NOX4: variants seen among roughly 807,000 people sequenced by gnomAD.
The protein encoded by NOX4 is kidney oxidase-1.
A neutral mutation model predicts 87.6 loss-of-function variants in NOX4; 69 were observed. The ratio of observed to expected loss-of-function variants is 0.79; its 90% CI spans 0.65 to 0.96. The LOEUF is 0.96. NOX4 is among the 40% of genes least tolerant of loss of function. The probability of loss-of-function intolerance (pLI) is 0.00; values close to 1 mark genes in which losing one functional copy is unlikely to be tolerated. For missense variants in NOX4, 680 were observed against 681.5 expected (o/e 1.00, Z 0.02); for synonymous variants, 275 against 238.2 (o/e 1.15, Z -1.42).
chr11:89,500,845 G>A (rs950455978), upstream of NOX4, among the ~76,000 whole-genome samples: 10 of 152,040 alleles, frequency 6.6e-5, no homozygotes, highest in Non-Finnish European at 1.0e-4. Flanking sequence ...TCAAGGCACC[G>A]TATTTTAGGT....
At chr11:89,379,929 A>C (rs1940148027) in intron 11 of NOX4, among the ~76,000 whole-genome samples, 1 of 152,080 alleles carries the variant, frequency 6.6e-6, no homozygotes, top group Non-Finnish European at 1.5e-5. Flanking sequence ...TACTCTTAAC[A>C]CAGCAGCCAG....
At chr11:89,512,639 T>C in the NOX4 span, among the ~76,000 whole-genome samples, 6 of 152,272 alleles carry the variant, frequency 3.9e-5, no homozygotes, top group East Asian at 1.2e-3. Flanking sequence ...ACATTGTATG[T>C]ATTTACCATA....
rs1172325538 is a variant in NOX4, at chr11:89,335,890, G to A, written c.1571C>T (p.Pro524Leu). Reference protein sequence around the residue: ...ALNSRLFIGRPRWKLLFDEIA... With the variant: ...ALNSRLFIGRLRWKLLFDEIA... Reference sequence around the variant, plus strand: ...TTCATCAAACAAAAGTTTCCACCGAGGACGTCCTATAAACAGTCTTGAATT... The same window carrying A: ...TTCATCAAACAAAAGTTTCCACCGAAGACGTCCTATAAACAGTCTTGAATT... The change falls in exon 17 of 18, where the codon CCT becomes CTT. Residue 524 changes from proline to leucine, a missense_variant. Coordinates refer to ENST00000263317, the MANE Select transcript of NOX4 (RefSeq NM_016931.5). 4 of 1,600,578 alleles carry A rather than the reference G, an allele frequency of 2.5e-6. No individual in the cohort carries two copies. Among genetic ancestry groups the A allele is most frequent in the Non-Finnish European group, 3.4e-6 (4 of 1,173,544 alleles).
the NOX4 span, among the ~76,000 whole-genome samples, chr11:89,505,315 T>C: frequency 2.0e-5 from 3 of 152,052 alleles, no homozygotes; most frequent in East Asian, 1.9e-4. Context: ...TATGAGGAGA[T>C]CATGTTCTAA....
At chr11:89,524,091 AAATCT>A in the NOX4 span, among the ~76,000 whole-genome samples, 12 of 152,296 alleles carry the variant, frequency 7.9e-5, no homozygotes, top group East Asian at 2.1e-3. Flanking sequence ...ATGGATATAC[AAATCT>A]GTCAAAATCT....
chr11:89,451,757 A>T (rs752562991), intron 3 of NOX4, 28 bp downstream of exon 3: 1 of 1,452,656 alleles, frequency 6.9e-7, no homozygotes, highest in Admixed American at 1.7e-5. Flanking sequence ...TTATGCTGGA[A>T]TTTGAAAGTA....
At chr11:89,338,036 T>C (rs1373119756) in intron 15 of NOX4, among the ~76,000 whole-genome samples, 1 of 151,844 alleles carries the variant, frequency 6.6e-6, no homozygotes, top group Non-Finnish European at 1.5e-5. Flanking sequence ...GAGGCAAAAA[T>C]ATACCTGCAA....
At chr11:89,517,693 T>C in the NOX4 span, among the ~76,000 whole-genome samples, 2 of 151,852 alleles carry the variant, frequency 1.3e-5, no homozygotes, top group South Asian at 2.1e-4. Flanking sequence ...ATGTTACCCA[T>C]GCTGGTCTCA....
At chr11:89,527,045 A>G in the NOX4 span, among the ~76,000 whole-genome samples, 1,742 of 152,276 alleles carry the variant, frequency 0.011, 11 homozygotes, top group Middle Eastern at 0.031. Flanking sequence ...GATGGAGATG[A>G]GGAACTTTTT....
At chr11:89,580,081 C>T in the NOX4 span, among the ~76,000 whole-genome samples, 402 of 152,126 alleles carry the variant, frequency 2.6e-3, 3 homozygotes, top group African/African-American at 9.2e-3. Flanking sequence ...TCTTGATGAG[C>T]GGGTTTTGTG....
intron 13 of NOX4, among the ~76,000 whole-genome samples, chr11:89,343,031 C>T (rs1376324197): frequency 1.3e-5 from 2 of 152,064 alleles, no homozygotes; most frequent in Non-Finnish European, 2.9e-5. Context: ...GCCACTGCCC[C>T]CTCCTTCCTA....
chr11:89,580,780 C>T, the NOX4 span, among the ~76,000 whole-genome samples: 4,052 of 152,150 alleles, frequency 0.027, 186 homozygotes, highest in African/African-American at 0.093. Flanking sequence ...CACAGAGTCC[C>T]TAAATTATGA....
chr11:89,454,216 C>T (rs536455295), intron 2 of NOX4, among the ~76,000 whole-genome samples: 1 of 152,036 alleles, frequency 6.6e-6, no homozygotes, highest in Non-Finnish European at 1.5e-5. Context: ...AAATGTTAAA[C>T]CCCTCAAGAC....
intron 12 of NOX4, among the ~76,000 whole-genome samples, chr11:89,360,184 G>A (rs1285188045): frequency 6.6e-6 from 1 of 152,144 alleles, no homozygotes; most frequent in East Asian, 1.9e-4. Context: ...TGGCAATATA[G>A]GCTGAGGATT....
At chr11:89,486,752 GA>G (rs1946644741) in intron 2 of NOX4, among the ~76,000 whole-genome samples, 1 of 149,228 alleles carries the variant, frequency 6.7e-6, no homozygotes, top group African/African-American at 2.5e-5. Context: ...TTTTTGTAAA[GA>G]TGGGGTCTCA....
At chr11:89,531,238 G>A in the NOX4 span, among the ~76,000 whole-genome samples, 1 of 152,044 alleles carries the variant, frequency 6.6e-6, no homozygotes, top group Non-Finnish European at 1.5e-5. Flanking sequence ...CTCTGGGTAG[G>A]TCTCTAACCC....
At chr11:89,425,641 GAA>G (rs1174023894) in intron 7 of NOX4, among the ~76,000 whole-genome samples, 1 of 151,886 alleles carries the variant, frequency 6.6e-6, no homozygotes, top group Admixed American at 6.6e-5. Flanking sequence ...ATATAAGAGA[GAA>G]AAAATGATTT....
intron 13 of NOX4, among the ~76,000 whole-genome samples, chr11:89,349,582 C>T (rs1469159960): frequency 6.6e-6 from 1 of 152,088 alleles, no homozygotes; most frequent in Non-Finnish European, 1.5e-5. Flanking sequence ...CTTTTATTGT[C>T]CAAACAATCA....
intron 2 of NOX4, among the ~76,000 whole-genome samples, chr11:89,462,126 A>G (rs1336124519): frequency 1.3e-5 from 2 of 151,888 alleles, no homozygotes; most frequent in African/African-American, 2.4e-5. Flanking sequence ...TTTATTTTAT[A>G]AAAGTAATAA....
Sources: gnomAD v4.1 joint callset for allele counts (sites outside exome capture counted in the v4.1 genomes callset) on GRCh38, gnomAD v4.1.1 for gene constraint, MANE v1.5 for transcripts, NCBI Gene and HGNC (gene_info 2026-07-23, HGNC 2026-07-21) for gene names.